The following PCSK6 variants were observed in gnomAD, a reference collection of about 807,000 sequenced individuals.
PCSK6 encodes paired basic amino acid cleaving enzyme 4.
Under a neutral mutation model 123.3 loss-of-function variants are expected in PCSK6, and 85 were observed. That is an observed-to-expected ratio of 0.69 (90% confidence interval 0.58 to 0.83). The LOEUF is 0.83. Ranked by LOEUF, PCSK6 falls within the 40% of genes least tolerant of loss-of-function variation. The probability of loss-of-function intolerance (pLI) is 0.00; values close to 1 mark genes in which losing one functional copy is unlikely to be tolerated. For synonymous variants in PCSK6, 508 were observed against 516.0 expected, an observed-to-expected ratio of 0.98 and a Z score of 0.21; for missense variants, 1,191 against 1,282.3, an observed-to-expected ratio of 0.93 and a Z score of 1.09.
At chr15:101,449,832 T>C (rs955615476) in intron 1 of PCSK6, among the ~76,000 whole-genome samples, 1 of 152,112 alleles carries the variant, frequency 6.6e-6, no homozygotes, top group Non-Finnish European at 1.5e-5. Flanking sequence ...TCCTGGGTCC[T>C]TCCAGGCTCA....
chr15:101,342,384 A>G (rs1369948511), intron 13 of PCSK6, among the ~76,000 whole-genome samples: 3 of 152,226 alleles, frequency 2.0e-5, no homozygotes, highest in African/African-American at 7.2e-5. Flanking sequence ...CACCACTCAA[A>G]GTACAGCTAA....
intron 6 of PCSK6, among the ~76,000 whole-genome samples, chr15:101,413,001 G>GT (rs1373205981): frequency 8.1e-6 from 1 of 123,732 alleles, no homozygotes; most frequent in African/African-American, 3.7e-5. Context: ...TAATGGAGGA[G>GT]GAGTGAGGAG....
At chr15:101,394,803 T>C (rs74032822) in intron 7 of PCSK6, among the ~76,000 whole-genome samples, 3,823 of 152,294 alleles carry the variant, frequency 0.025, 153 homozygotes, top group African/African-American at 0.086. Flanking sequence ...CAGCTCCAAC[T>C]TGAGGCTCCC....
intron 6 of PCSK6, among the ~76,000 whole-genome samples, chr15:101,417,624 A>G (rs1365512743): frequency 6.6e-6 from 1 of 152,210 alleles, no homozygotes; most frequent in East Asian, 1.9e-4. Flanking sequence ...AACTAGTAAG[A>G]GGTGATGAAA....
chr15:101,401,837 A>G (rs546895530), intron 6 of PCSK6, among the ~76,000 whole-genome samples: 6 of 152,298 alleles, frequency 3.9e-5, no homozygotes, highest in African/African-American at 1.2e-4. Flanking sequence ...GAAAATGGCC[A>G]TACTGCCCAA....
chr15:101,403,854 G>A (rs1468087301), intron 6 of PCSK6, among the ~76,000 whole-genome samples: 1 of 152,102 alleles, frequency 6.6e-6, no homozygotes, highest in African/African-American at 2.4e-5. Flanking sequence ...CAAGTAGCTG[G>A]GATTACAGGC....
chr15:101,358,648 C>T (rs913621482), intron 13 of PCSK6, among the ~76,000 whole-genome samples: 8 of 152,226 alleles, frequency 5.3e-5, no homozygotes, highest in African/African-American at 1.9e-4. Context: ...CCCATTTTGA[C>T]ATTTCAGGAA....
intron 7 of PCSK6, among the ~76,000 whole-genome samples, chr15:101,396,443 A>G (rs913141578): frequency 2.0e-5 from 3 of 152,168 alleles, no homozygotes; most frequent in African/African-American, 7.2e-5. Flanking sequence ...TAGAAATGAC[A>G]GACGCTCAGC....
chr15:101,391,779 A>G (rs3784483), intron 8 of PCSK6, among the ~76,000 whole-genome samples: 97,186 of 152,000 alleles, frequency 0.64, 31,686 homozygotes, highest in African/African-American at 0.74. Flanking sequence ...CAAAAGCTGG[A>G]CTCTAGTAGA....
intron 12 of PCSK6, among the ~76,000 whole-genome samples, chr15:101,366,657 C>T (rs2041402489): frequency 6.6e-6 from 1 of 152,172 alleles, no homozygotes; most frequent in Non-Finnish European, 1.5e-5. Flanking sequence ...CCAGTCCCGA[C>T]AATTTCCTGC....
At chr15:101,441,135 G>C (rs12591511) in intron 2 of PCSK6, among the ~76,000 whole-genome samples, 1 of 151,966 alleles carries the variant, frequency 6.6e-6, no homozygotes, top group Non-Finnish European at 1.5e-5. Flanking sequence ...AGCTCTGTGA[G>C]AAGGAGATTT....
Position 101,398,625 on chromosome 15 carries a change from C to G in PCSK6, c.824-49G>C. The G allele has an allele frequency of 6.3e-7, 1 of 1,575,850 alleles. No individual in the cohort carries two copies. The highest frequency in any genetic ancestry group is 8.6e-7 in the Non-Finnish European group (1 of 1,160,054). On this transcript the variant is annotated intron_variant, in intron 6 of 21. Coordinates refer to ENST00000611716, the MANE Select transcript of PCSK6 (RefSeq NM_002570.5). This position sits in a 1 kb window ranked among gnomAD's most constrained non-coding sequence, Gnocchi z 4.6. ...TGTCGGCGCCCAGGCTCCGGGCACACAGCGACGGGAACCCGGGCCCAGGAG... is the reference window on the plus strand; with the variant it reads ...TGTCGGCGCCCAGGCTCCGGGCACAGAGCGACGGGAACCCGGGCCCAGGAG...
At chr15:101,358,846 A>G (rs191530892) in intron 13 of PCSK6, among the ~76,000 whole-genome samples, 2 of 152,336 alleles carry the variant, frequency 1.3e-5, no homozygotes, top group East Asian at 3.9e-4. Context: ...GCCATGCTGA[A>G]CAACAAGCTC....
intron 13 of PCSK6, among the ~76,000 whole-genome samples, chr15:101,337,937 A>C (rs1470986332): frequency 6.6e-6 from 1 of 152,204 alleles, no homozygotes; most frequent in East Asian, 1.9e-4. Context: ...GAAATACATA[A>C]ATCTGACAGA....
chr15:101,330,491 C>T (rs1280368410), intron 15 of PCSK6, among the ~76,000 whole-genome samples: 2 of 152,252 alleles, frequency 1.3e-5, no homozygotes, highest in African/African-American at 4.8e-5. Context: ...GGCTTCCATA[C>T]TCTGGCACCG....
chr15:101,462,637 T>C (rs2057364976), intron 1 of PCSK6, among the ~76,000 whole-genome samples: 1 of 152,196 alleles, frequency 6.6e-6, no homozygotes, highest in African/African-American at 2.4e-5. Flanking sequence ...GATTTACTGA[T>C]AGAATATCAG....
chr15:101,326,670 C>T (rs1039591824), intron 15 of PCSK6, among the ~76,000 whole-genome samples, 191 bp from the exon 16 acceptor site: 4 of 152,218 alleles, frequency 2.6e-5, no homozygotes, highest in South Asian at 2.1e-4. Flanking sequence ...AGCTGAGCCT[C>T]GCTGGGCTCC....
rs560872192 is a variant in PCSK6, at chr15:101,458,627, C to T, written c.298-14967G>A. On this transcript the variant is annotated intron_variant, in intron 1 of 21. Coordinates refer to ENST00000611716, the MANE Select transcript of PCSK6 (RefSeq NM_002570.5). ...TCCAGCGCAAACAGACCCCAGCACCCGAAGCGCGACTGACGGTCCCAAAGG... is the reference window on the plus strand; with the variant it reads ...TCCAGCGCAAACAGACCCCAGCACCTGAAGCGCGACTGACGGTCCCAAAGG... Among the ~76,000 whole-genome samples the T allele has an allele frequency of 5.3e-5, 8 of 152,292 alleles. No individual in the cohort carries two copies. In the South Asian group the frequency reaches 6.2e-4, roughly 12 times the overall value.
intron 1 of PCSK6, among the ~76,000 whole-genome samples, chr15:101,451,810 T>C (rs965252611): frequency 6.6e-6 from 1 of 152,200 alleles, no homozygotes; most frequent in African/African-American, 2.4e-5. Context: ...AATTAGACTC[T>C]ATAAAAACCT....
Sources: allele counts gnomAD v4.1 joint callset (sites outside exome capture counted in the v4.1 genomes callset), GRCh38; gene constraint gnomAD v4.1.1; non-coding constraint Gnocchi (gnomAD v3.1); transcripts MANE v1.5; gene names NCBI Gene and HGNC (gene_info 2026-07-23, HGNC 2026-07-21).